Variants in DOP1B observed in about 807,000 individuals in gnomAD.
DOP1B encodes DOP1 leucine zipper like protein B, also known as protein DOP1B.
A neutral mutation model predicts 233.5 loss-of-function variants in DOP1B; 174 were observed. The observed-to-expected ratio is 0.75, with a 90% CI of 0.66 to 0.85. DOP1B has a LOEUF of 0.85. DOP1B is among the 40% of genes least tolerant of loss of function. The probability of loss-of-function intolerance (pLI) is 0.00; values close to 1 mark genes in which losing one functional copy is unlikely to be tolerated. For synonymous variants in DOP1B, 1,190 were observed against 1,185.6 expected (o/e 1.00, Z -0.08); for missense variants, 2,652 against 2,846.6 (o/e 0.93, Z 1.56).
chr21:36,216,557 G>C (rs568129693), intron 9 of DOP1B, among the ~76,000 whole-genome samples: 4 of 152,242 alleles, frequency 2.6e-5, no homozygotes, highest in African/African-American at 7.2e-5. Flanking sequence ...ATTGCAGTGA[G>C]CTGAGATCGC....
chr21:36,246,741 T>G lies in DOP1B; in HGVS notation c.4697+64T>G. The stretch of plus-strand genomic sequence containing the variant: ...GATGGTTTTTATAACGAATGACTGT[T>G]TTGCCACGGATGTGGATGTCGGTTG... On this transcript the variant is annotated intron_variant, in intron 19 of 36. Coordinates refer to ENST00000691173, the MANE Select transcript of DOP1B (RefSeq NM_001320714.2). This position sits in a 1 kb window ranked among gnomAD's most constrained non-coding sequence, Gnocchi z 5.1. 6.5e-7 allele frequency: 1 copy of G among 1,542,546 alleles called. No individual in the cohort carries two copies. Among genetic ancestry groups the G allele is most frequent in the Non-Finnish European group, 8.8e-7 (1 of 1,140,658 alleles).
chr21:36,169,655 T>C (rs2065952458), intron 2 of DOP1B: 19 of 909,970 alleles, frequency 2.1e-5, no homozygotes, highest in South Asian at 2.6e-5. Context: ...CTGGGCCTTC[T>C]TCTGGCGCAG....
At chr21:36,158,971 T>C (rs963027311) in intron 1 of DOP1B, among the ~76,000 whole-genome samples, 6 of 147,796 alleles carry the variant, frequency 4.1e-5, no homozygotes, top group African/African-American at 1.5e-4. Context: ...CTACCAAAAA[T>C]ATTTTAAAAA....
At chr21:36,254,399 G>C (rs1029088194) in intron 23 of DOP1B, among the ~76,000 whole-genome samples, 2 of 152,162 alleles carry the variant, frequency 1.3e-5, no homozygotes, top group Non-Finnish European at 2.9e-5. Flanking sequence ...TGAGGGAGGA[G>C]GGAGGGGGAA....
At chr21:36,241,787 C>T (rs1341523200) in intron 18 of DOP1B, among the ~76,000 whole-genome samples, 165 of 150,194 alleles carry the variant, frequency 1.1e-3, no homozygotes, top group African/African-American at 3.8e-3. Flanking sequence ...ATGATCCTCC[C>T]GCCTCAGCCT....
chr21:36,241,994 CATTTT>C (rs778475627), intron 18 of DOP1B, among the ~76,000 whole-genome samples: 18 of 151,852 alleles, frequency 1.2e-4, no homozygotes, highest in Non-Finnish European at 2.4e-4. Flanking sequence ...AAATAGGAAA[CATTTT>C]ATTGTTCCAC....
intron 10 of DOP1B, among the ~76,000 whole-genome samples, chr21:36,222,293 T>G (rs1252151191): frequency 6.6e-6 from 1 of 152,020 alleles, no homozygotes; most frequent in Non-Finnish European, 1.5e-5. Flanking sequence ...AAGATAAAAT[T>G]TAAGGCTGGA....
intron 7 of DOP1B, among the ~76,000 whole-genome samples, chr21:36,213,425 CAGCTGATGGG>C (rs2066523304): frequency 6.6e-6 from 1 of 151,944 alleles, no homozygotes; most frequent in Non-Finnish European, 1.5e-5. Flanking sequence ...TCCAGGGCTC[CAGCTGATGGG>C]AGCATGTGCA....
rs188052040 is a variant in DOP1B, at chr21:36,204,933, G to A, written c.492-3782G>A. 5.0e-3 allele frequency among the ~76,000 whole-genome samples: 765 copies of A among 152,274 alleles called. 6 individuals are homozygous for A. The highest frequency in any genetic ancestry group is 0.017 in the African/African-American group (698 of 41,550). ...GCCTCCCAAAGTGCTGGGATTACAG[G>A]CGTGAGCCACTGCACCCAGCACCAA... On this transcript the variant is annotated intron_variant, in intron 4 of 36. Coordinates refer to ENST00000691173, the MANE Select transcript of DOP1B (RefSeq NM_001320714.2).
intron 27 of DOP1B, among the ~76,000 whole-genome samples, chr21:36,274,855 G>A (rs550957311): frequency 1.3e-5 from 2 of 152,130 alleles, no homozygotes; most frequent in South Asian, 4.2e-4. Flanking sequence ...TGTTTTGTGT[G>A]TTTGTTTGAG....
chr21:36,238,745 A>G lies in DOP1B; in HGVS notation c.2876+44A>G, dbSNP rs1458034727. The G allele has an allele frequency of 1.9e-6, 3 of 1,596,790 alleles. No homozygotes were observed. The African/African-American group carries it at 4.0e-5, about 21-fold the overall frequency. On this transcript the variant is annotated intron_variant, in intron 17 of 36. Transcript: ENST00000691173. ...TGATCTACCGTTAACTCACGAGGAA[A>G]CTCCACAGAGGTGCCTGCCCAACGT... is the stretch of plus-strand genomic sequence containing the variant.
At position 36,188,011 on chromosome 21, in the gene DOP1B, GA is replaced by G. The variant is rs946533199; in HGVS notation, c.139-11050del. ...GGTAATTTTAAGAAAATTTTAAAAG[GA>G]AAAAAAAAGCATATTCTAATGTGTC... On this transcript the variant is annotated intron_variant, in intron 2 of 36. Transcript: ENST00000691173. Among the ~76,000 whole-genome samples, 5 of 150,444 alleles carry G rather than the reference GA, an allele frequency of 3.3e-5. No individual in the cohort carries two copies. In the East Asian group the frequency reaches 5.8e-4, roughly 18 times the overall value.
intron 2 of DOP1B, among the ~76,000 whole-genome samples, chr21:36,182,306 G>A (rs1478791831): frequency 6.6e-6 from 1 of 152,110 alleles, no homozygotes; most frequent in African/African-American, 2.4e-5. Context: ...TTGGGGATCA[G>A]GTGGTGATGC....
chr21:36,162,827 T>C (rs1479868744), intron 1 of DOP1B, among the ~76,000 whole-genome samples: 1 of 152,154 alleles, frequency 6.6e-6, no homozygotes, highest in South Asian at 2.1e-4. Flanking sequence ...ATTACAGGTG[T>C]GAGTCACCAT....
intron 12 of DOP1B, among the ~76,000 whole-genome samples, chr21:36,227,415 T>G (rs7280521): frequency 6.8e-6 from 1 of 147,586 alleles, no homozygotes; most frequent in South Asian, 2.2e-4. Flanking sequence ...GGCGTGGTGG[T>G]GGGCACCTGT....
chr21:36,169,704 T>A, intron 2 of DOP1B: 1 of 923,644 alleles, frequency 1.1e-6, no homozygotes, highest in East Asian at 2.4e-5. Flanking sequence ...GCGAGGCGGG[T>A]GACTTGGCAG....
chr21:36,173,424 C>CG (rs2065991107), intron 2 of DOP1B, among the ~76,000 whole-genome samples: 1 of 139,752 alleles, frequency 7.2e-6, no homozygotes, highest in African/African-American at 2.7e-5. Context: ...AATAGTTTAT[C>CG]TTTTTTTTTT....
At chr21:36,171,563 G>C (rs1046300949) in intron 2 of DOP1B, among the ~76,000 whole-genome samples, 11 of 152,126 alleles carry the variant, frequency 7.2e-5, no homozygotes, top group African/African-American at 2.7e-4. Flanking sequence ...CATGAGGGAA[G>C]GCACCATGTG....
intron 2 of DOP1B, among the ~76,000 whole-genome samples, chr21:36,165,900 A>G (rs1027391160): frequency 1.4e-4 from 21 of 151,378 alleles, no homozygotes; most frequent in Middle Eastern, 3.4e-3. Context: ...TATTTTTAGT[A>G]GAGACTGGGT....
Sources: allele counts gnomAD v4.1 joint callset (sites outside exome capture counted in the v4.1 genomes callset), GRCh38; gene constraint gnomAD v4.1.1; non-coding constraint Gnocchi (gnomAD v3.1); transcripts MANE v1.5; gene names NCBI Gene and HGNC (gene_info 2026-07-23, HGNC 2026-07-21).